The following ODAD4 variants were observed in gnomAD, a reference collection of about 807,000 sequenced individuals.
The protein encoded by ODAD4 is outer dynein arm docking complex subunit 4, also known as outer dynein arm-docking complex subunit 4.
A neutral mutation model predicts 51.8 loss-of-function variants in ODAD4; 49 were observed. That is an observed-to-expected ratio of 0.95 (90% CI 0.75 to 1.20). The LOEUF is 1.20. ODAD4 is among the 50% of genes most tolerant of loss of function. The pLI is 0.00. For synonymous variants in ODAD4, 235 were observed against 221.3 expected, an observed-to-expected ratio of 1.06 and a Z score of -0.55; for missense variants, 590 against 586.5, an observed-to-expected ratio of 1.01 and a Z score of -0.06.
intron 7 of ODAD4, among the ~76,000 whole-genome samples, chr17:41,939,958 G>C (rs189554929): frequency 3.3e-5 from 5 of 152,282 alleles, no homozygotes; most frequent in Admixed American, 1.3e-4. Context: ...ATGAAATACA[G>C]AAGTACCTGT....
intron 9 of ODAD4, among the ~76,000 whole-genome samples, chr17:41,954,617 C>T (rs113643612): frequency 3.3e-5 from 5 of 151,882 alleles, no homozygotes; most frequent in Admixed American, 2.0e-4. Flanking sequence ...TTTGGGAGGC[C>T]GAGGCAGGTG....
rs1297603616 is a variant in ODAD4 at position 41,930,661 on chromosome 17, A to C, written c.-63A>C. The C allele has an allele frequency of 9.1e-7, 1 of 1,095,538 alleles. No individual in the cohort carries two copies. The highest frequency in any genetic ancestry group is 1.4e-6 in the Non-Finnish European group (1 of 734,264). The allele number at this position is 1,095,538 out of a possible 1,614,324, so 67.9% of individuals were successfully genotyped here. A position where few individuals can be genotyped will look rare whatever the true frequency, so the allele number is the denominator to read the frequency against. On this transcript the variant is annotated 5_prime_UTR_variant, in exon 1 of 12. Coordinates refer to ENST00000377540, the MANE Select transcript of ODAD4 (RefSeq NM_031421.5). ...CTAAGAAACGGAGCTTCCACAAACC[A>C]GATAGAGGTTCTCCAGCTTTTCTTT...
At position 41,938,628 on chromosome 17, in the gene ODAD4, G is replaced by A. The variant is rs782168231; in HGVS notation, c.697G>A (p.Asp233Asn). The A allele has an allele frequency of 6.2e-7, 1 of 1,613,930 alleles. No individual in the cohort carries two copies. Among genetic ancestry groups the A allele is most frequent in the Non-Finnish European group, 8.5e-7 (1 of 1,179,892 alleles). ...DLIMTGINYL[D>N]THSNFWRQQK... ...CATCATGACGGGCATCAACTACCTGGATACTCACAGCAACTTCTGGAGGCA... is the reference window on the plus strand; with the variant it reads ...CATCATGACGGGCATCAACTACCTGAATACTCACAGCAACTTCTGGAGGCA... Residue 233 changes from aspartate to asparagine, a missense_variant, in exon 6 of 12, where the codon GAT (aspartate) becomes AAT (asparagine). By Grantham distance (23) the Asp-to-Asn change is conservative. Transcript: ENST00000377540.
chr17:41,944,357 C>G (rs2050547466), intron 7 of ODAD4, among the ~76,000 whole-genome samples: 1 of 150,794 alleles, frequency 6.6e-6, no homozygotes, highest in Admixed American at 6.6e-5. Flanking sequence ...CAGCGAGACT[C>G]TGTCTCAAAA....
chr17:41,939,163 C>T lies in ODAD4; in HGVS notation c.1049C>T (p.Ala350Val), dbSNP rs782265780. The T allele has an allele frequency of 6.2e-7, 1 of 1,613,368 alleles. No homozygotes were observed. The highest frequency in any genetic ancestry group is 8.5e-7 in the Non-Finnish European group (1 of 1,179,672). Residue 350 changes from alanine (A) to valine (V), a missense_variant, in exon 7 of 12, where the codon GCC (alanine) becomes GTC (valine). Physicochemically the swap from Ala to Val is moderately conservative, Grantham distance 64. Coordinates refer to ENST00000377540, the MANE Select transcript of ODAD4 (RefSeq NM_031421.5). ...AGCCACAGAAAGGACCTGGAGATCG[C>T]CAAGGAATAGTGAGTGCCCTAGGGG... is the stretch of plus-strand genomic sequence containing the variant. ...LQSHRKDLEI[A>V]KEYDLPDAKS...
chr17:41,932,582 T>G (rs542360667), intron 1 of ODAD4, among the ~76,000 whole-genome samples: 2 of 151,928 alleles, frequency 1.3e-5, no homozygotes, highest in African/African-American at 4.8e-5. Context: ...TCTCGTTCTG[T>G]CTCCCAAGCT....
chr17:41,949,906 T>C (rs1353066472), intron 9 of ODAD4, among the ~76,000 whole-genome samples: 1 of 151,928 alleles, frequency 6.6e-6, no homozygotes, highest in African/African-American at 2.4e-5. Context: ...ATTCCTGACC[T>C]CAGGTGATCC....
At position 41,949,797 on chromosome 17, in the gene ODAD4, C is replaced by T. The variant is rs923594440; in HGVS notation, c.1342+448C>T. Among the ~76,000 whole-genome samples, 5 of 152,104 alleles carry T rather than the reference C, an allele frequency of 3.3e-5. No individual in the cohort carries two copies. In the East Asian group the frequency reaches 9.7e-4, roughly 29 times the overall value. ...AAGTGATTCTTCTGCTTCAGGCTCCCAAGTAGCTGGGATTACAGGCGTCTG... is the reference window on the plus strand; with the variant it reads ...AAGTGATTCTTCTGCTTCAGGCTCCTAAGTAGCTGGGATTACAGGCGTCTG... On this transcript the variant is annotated intron_variant, in intron 9 of 11. Coordinates refer to ENST00000377540, the MANE Select transcript of ODAD4 (RefSeq NM_031421.5).
At chr17:41,957,072 A>G (rs181325012) in intron 10 of ODAD4, among the ~76,000 whole-genome samples, 10 of 151,922 alleles carry the variant, frequency 6.6e-5, no homozygotes, top group Admixed American at 3.3e-4. Flanking sequence ...GCTGGGGGCT[A>G]ATTTTTTATT....
At chr17:41,944,444 A>ACACACACACACCCCC (rs1191101800) in intron 7 of ODAD4, among the ~76,000 whole-genome samples, 6 of 19,564 alleles carry the variant, frequency 3.1e-4, no homozygotes, top group Non-Finnish European at 4.8e-4. Context: ...ACACACACAC[A>ACACACACACACCCCC]CCCCCCCGCA....
Position 41,942,692 on chromosome 17 carries a change from A to G in ODAD4, c.1059-2444A>G, listed in dbSNP as rs1469523047. On this transcript the variant is annotated intron_variant, in intron 7 of 11. Transcript: ENST00000377540. ...GGGGAGGGAGAAGGGGACCTTGGGC[A>G]GGGCAGAAAGATGTGGCAGGGATGG... Among the ~76,000 whole-genome samples the G allele has an allele frequency of 2.6e-5, 4 of 152,096 alleles. No individual in the cohort carries two copies. In the East Asian group the frequency reaches 5.8e-4, roughly 22 times the overall value.
At chr17:41,963,444 C>T in intron 11 of ODAD4, among the ~76,000 whole-genome samples, 1 of 152,144 alleles carries the variant, frequency 6.6e-6, no homozygotes, top group South Asian at 2.1e-4. Flanking sequence ...AACCTCCCAA[C>T]AAATAATGAA....
Position 41,930,737 on chromosome 17 carries a change from A to T in ODAD4, c.14A>T (p.Glu5Val). The stretch of plus-strand genomic sequence containing the variant: ...AATCCGGTCACCATGTCGGACCCCG[A>T]AGGCGAGACCTTGCGAAGCACCTTT... MSDP[E>V]GETLRSTFPS... The change falls in exon 1 of 12, where the codon GAA (glutamate) becomes GTA (valine). Residue 5 changes from glutamate (E) to valine (V), a missense_variant. By Grantham distance (121) the Glu-to-Val change is moderately radical (BLOSUM62 -2). This residue lies in a region of ODAD4 where 360 missense variants were observed against 407.5 expected (regional missense o/e 0.88). Transcript: ENST00000377540. 1.2e-6 allele frequency: 2 copies of T among 1,610,330 alleles called. No homozygotes were observed. The highest frequency in any genetic ancestry group is 1.7e-6 in the Non-Finnish European group (2 of 1,178,044).
intron 9 of ODAD4, among the ~76,000 whole-genome samples, chr17:41,949,920 C>T (rs996420567): frequency 2.0e-5 from 3 of 151,856 alleles, no homozygotes; most frequent in South Asian, 2.1e-4. Flanking sequence ...GTGATCCAAA[C>T]GCCTCGGCCT....
chr17:41,964,476 A>G (rs1555642194), intron 11 of ODAD4, among the ~76,000 whole-genome samples: 1 of 152,190 alleles, frequency 6.6e-6, no homozygotes, highest in South Asian at 2.1e-4. Context: ...CGTGATGCAC[A>G]GGACGGAGCT....
At chr17:41,951,713 G>A (rs1240367944) in intron 9 of ODAD4, among the ~76,000 whole-genome samples, 6 of 150,750 alleles carry the variant, frequency 4.0e-5, no homozygotes, top group Admixed American at 6.6e-5. Context: ...GTGAAACCTC[G>A]TCTCTACTAA....
intron 10 of ODAD4, among the ~76,000 whole-genome samples, chr17:41,958,622 T>C (rs531669458): frequency 6.6e-4 from 95 of 144,954 alleles, no homozygotes; most frequent in African/African-American, 2.2e-3. Context: ...GATCATGCCA[T>C]TGCACTCCAG....
intron 5 of ODAD4, among the ~76,000 whole-genome samples, chr17:41,938,294 A>G (rs2050454792): frequency 6.6e-6 from 1 of 152,190 alleles, no homozygotes; most frequent in South Asian, 2.1e-4. Flanking sequence ...CGAGCCATCC[A>G]CCAGCTGCCC....
intron 10 of ODAD4, among the ~76,000 whole-genome samples, chr17:41,957,014 C>A (rs2050742654): frequency 6.6e-6 from 1 of 152,180 alleles, no homozygotes; most frequent in South Asian, 2.1e-4. Flanking sequence ...AGGCAATCCT[C>A]ACACCTTAGC....
Sources: gnomAD v4.1 joint callset for allele counts (sites outside exome capture counted in the v4.1 genomes callset) on GRCh38, gnomAD v4.1.1 for gene constraint, gnomAD v4.1.1 regional missense constraint, MANE v1.5 for transcripts, NCBI Gene and HGNC (gene_info 2026-07-23, HGNC 2026-07-21) for gene names.